The following PARD3 variants were observed in gnomAD, a reference collection of about 807,000 sequenced individuals.
PARD3 encodes the protein par-3 family cell polarity regulator.
In PARD3, 75 loss-of-function variants were observed where a neutral mutation model predicts 155.4. That is an observed-to-expected ratio of 0.48 (90% CI 0.40 to 0.58). The LOEUF (loss-of-function observed/expected upper bound fraction) is 0.58, where lower values mean the gene tolerates loss of function less well. PARD3 is among the 20% of genes least tolerant of loss of function. The pLI, the probability that PARD3 is intolerant of heterozygous loss-of-function variation, is 0.00. For missense variants in PARD3, 1,642 were observed against 1,721.7 expected (o/e 0.95, Z 0.82); for synonymous variants, 576 against 610.5 (o/e 0.94, Z 0.83).
At chr10:34,452,688 A>G (rs1461015755) in intron 4 of PARD3, among the ~76,000 whole-genome samples, 1 of 152,134 alleles carries the variant, frequency 6.6e-6, no homozygotes, top group East Asian at 1.9e-4. Context: ...AAGCTCAAAA[A>G]GTGCACAATT....
intron 5 of PARD3, among the ~76,000 whole-genome samples, chr10:34,419,003 T>G (rs1415717322): frequency 6.6e-6 from 1 of 152,088 alleles, no homozygotes; most frequent in East Asian, 1.9e-4. Flanking sequence ...CTCGAACTCC[T>G]GGGCTCAAGC....
chr10:34,749,746 C>T (rs1349353351), intron 1 of PARD3, among the ~76,000 whole-genome samples: 1 of 151,976 alleles, frequency 6.6e-6, no homozygotes, highest in African/African-American at 2.4e-5. Flanking sequence ...TAAGGCCAGG[C>T]ACAGTGGGGC....
chr10:34,378,148 T>C lies in PARD3; in HGVS notation c.1400-42A>G, dbSNP rs3758460. 8.7e-4 allele frequency: 1,312 copies of C among 1,503,270 alleles called. 15 individuals carry two copies. The East Asian group carries it at 0.022, about 25-fold the overall frequency. 93.1% of individuals were successfully genotyped at this position (1,503,270 alleles called of 1,614,324 possible). A position where few individuals can be genotyped will look rare whatever the true frequency, so the allele number is the denominator to read the frequency against. On this transcript the variant is annotated intron_variant, in intron 9 of 24. Coordinates refer to ENST00000374788, the MANE Select transcript of PARD3 (RefSeq NM_001184785.2). ...GAAGAAAAGTAAATAAAATGAGATA[T>C]CTTGAATTTTACAGGTGTATTGCAC...
In PARD3 at chr10:34,542,926, C is replaced by T. The variant is rs1745678056; in HGVS notation, c.223-25767G>A. ...AAACGTCACTATTTTCACACAAGAACTTTAATGATAAGACAATTCTCACTC... is the reference window on the plus strand; with the variant it reads ...AAACGTCACTATTTTCACACAAGAATTTTAATGATAAGACAATTCTCACTC... On this transcript the variant is annotated intron_variant, in intron 2 of 24. Coordinates refer to ENST00000374788, the MANE Select transcript of PARD3 (RefSeq NM_001184785.2). Among the ~76,000 whole-genome samples, 4 of 152,254 alleles carry T rather than the reference C, an allele frequency of 2.6e-5. No homozygotes were observed. In the South Asian group the frequency reaches 8.3e-4, roughly 32 times the overall value.
intron 3 of PARD3, among the ~76,000 whole-genome samples, chr10:34,486,422 T>C (rs554154068): frequency 1.3e-5 from 2 of 152,290 alleles, no homozygotes; most frequent in South Asian, 4.1e-4. Context: ...TTCAGGGCAA[T>C]GGTGGTGGTG....
chr10:34,809,457 G>A (rs1291744516), intron 1 of PARD3, among the ~76,000 whole-genome samples: 1 of 152,206 alleles, frequency 6.6e-6, no homozygotes, highest in Non-Finnish European at 1.5e-5. Context: ...AGCAGGCAGG[G>A]AGAAAGATCC....
chr10:34,579,572 G>GTGTGTGTGTGTGTA (rs758510651), intron 2 of PARD3, among the ~76,000 whole-genome samples: 33,914 of 149,434 alleles, frequency 0.23, 4,035 homozygotes, highest in East Asian at 0.36. Context: ...GTGTGTGTGT[G>GTGTGTGTGTGTGTA]TGTGTGTGTG....
intron 22 of PARD3, among the ~76,000 whole-genome samples, chr10:34,251,085 T>C (rs980309911): frequency 3.3e-5 from 5 of 152,236 alleles, no homozygotes; most frequent in African/African-American, 9.6e-5. Flanking sequence ...TACTAAAGAT[T>C]AAGACGCTTC....
chr10:34,513,137 T>G (rs1268621953), intron 3 of PARD3, among the ~76,000 whole-genome samples: 1 of 152,212 alleles, frequency 6.6e-6, no homozygotes, highest in Non-Finnish European at 1.5e-5. Context: ...ATTTGAAATG[T>G]TTACTGTAAA....
chr10:34,805,804 A>G (rs1184436314), intron 1 of PARD3, among the ~76,000 whole-genome samples: 2 of 151,498 alleles, frequency 1.3e-5, no homozygotes, highest in South Asian at 2.1e-4. Context: ...GTGAAACCCC[A>G]CCTCTACTAA....
chr10:34,687,308 G>A (rs974795627), intron 2 of PARD3, among the ~76,000 whole-genome samples: 2 of 152,106 alleles, frequency 1.3e-5, no homozygotes, highest in African/African-American at 4.8e-5. Context: ...ATGGAAATGT[G>A]CCCCTGTTAG....
At chr10:34,162,296 C>T (rs754991759) in intron 22 of PARD3, among the ~76,000 whole-genome samples, 1 of 152,070 alleles carries the variant, frequency 6.6e-6, no homozygotes, top group South Asian at 2.1e-4. Context: ...TATATAGAAG[C>T]CCTCGTATTC....
At chr10:34,456,112 C>T (rs2077324842) in intron 4 of PARD3, among the ~76,000 whole-genome samples, 1 of 152,158 alleles carries the variant, frequency 6.6e-6, no homozygotes, top group Admixed American at 6.5e-5. Context: ...GAAACTCAAA[C>T]ATCCATACAT....
chr10:34,153,104 A>G (rs1948850915), intron 22 of PARD3, among the ~76,000 whole-genome samples: 1 of 152,120 alleles, frequency 6.6e-6, no homozygotes, highest in Non-Finnish European at 1.5e-5. Context: ...AAATTGGGGG[A>G]AAACTTTTTT....
intron 1 of PARD3, among the ~76,000 whole-genome samples, chr10:34,783,946 C>T (rs969547753): frequency 1.3e-4 from 20 of 152,130 alleles, no homozygotes; most frequent in Admixed American, 9.8e-4. Flanking sequence ...CAGTGGCTCA[C>T]GGCTGTAGAC....
intron 14 of PARD3, among the ~76,000 whole-genome samples, chr10:34,351,211 C>A (rs935577948): frequency 5.9e-5 from 9 of 152,152 alleles, no homozygotes; most frequent in Non-Finnish European, 1.5e-5. Flanking sequence ...AAACTGGATT[C>A]TCACTGGTGA....
At chr10:34,785,608 A>G (rs987431511) in intron 1 of PARD3, among the ~76,000 whole-genome samples, 6 of 152,100 alleles carry the variant, frequency 3.9e-5, no homozygotes, top group Non-Finnish European at 7.4e-5. Flanking sequence ...ATGGTGGTGC[A>G]TGCCTGTAGT....
chr10:34,575,771 C>T (rs1170751109), intron 2 of PARD3, among the ~76,000 whole-genome samples: 1 of 152,090 alleles, frequency 6.6e-6, no homozygotes, highest in African/African-American at 2.4e-5. Flanking sequence ...TGGCGGGTGC[C>T]TGTAATCCCA....
intron 22 of PARD3, among the ~76,000 whole-genome samples, chr10:34,190,489 T>C (rs1242893052): frequency 2.0e-5 from 3 of 152,212 alleles, no homozygotes; most frequent in African/African-American, 7.2e-5. Flanking sequence ...CAGTGGGAAA[T>C]ATCAACAGAT....
Sources: allele counts gnomAD v4.1 joint callset (sites outside exome capture counted in the v4.1 genomes callset), GRCh38; gene constraint gnomAD v4.1.1; transcripts MANE v1.5; gene names NCBI Gene and HGNC (gene_info 2026-07-23, HGNC 2026-07-21).